Variants in RAD51AP2 observed in about 807,000 individuals in gnomAD.
RAD51AP2 encodes RAD51-associated protein 2.
In RAD51AP2, 67 loss-of-function variants were observed where a neutral mutation model predicts 85.5. That is an observed-to-expected ratio of 0.78 (90% CI 0.64 to 0.96). The LOEUF (loss-of-function observed/expected upper bound fraction) is 0.96, where lower values mean the gene tolerates loss of function less well. RAD51AP2 is among the 40% of genes least tolerant of loss of function. The pLI, the probability that RAD51AP2 is intolerant of heterozygous loss-of-function variation, is 0.00. For missense variants in RAD51AP2, 1,307 were observed against 1,332.4 expected (o/e 0.98, Z 0.30); for synonymous variants, 474 against 446.5 (o/e 1.06, Z -0.78).
At chr2:17,514,488 G>T (rs115722023) in intron 1 of RAD51AP2, among the ~76,000 whole-genome samples, 3,672 of 151,924 alleles carry the variant, frequency 0.024, 45 homozygotes, top group Middle Eastern at 0.054. Context: ...AAGGCCTGGC[G>T]TGGTGGCTCA....
chr2:17,525,333 A>C, the RAD51AP2 span, among the ~76,000 whole-genome samples: 2 of 151,972 alleles, frequency 1.3e-5, no homozygotes, highest in Admixed American at 1.3e-4. Flanking sequence ...AGAAAATGTG[A>C]CCAAGGCCAT....
At position 17,516,056 on chromosome 2, in the gene RAD51AP2, C is replaced by T. The variant is rs1201281178; in HGVS notation, c.2360G>A (p.Cys787Tyr). 1 of 1,613,694 alleles carries T rather than the reference C, an allele frequency of 6.2e-7. No homozygotes were observed. Among genetic ancestry groups the T allele is most frequent in the Non-Finnish European group, 8.5e-7 (1 of 1,179,792 alleles). Reference protein sequence around the residue: ...FDCEHIFEDLCNVRQQAIPAS... With the variant: ...FDCEHIFEDLYNVRQQAIPAS... ...TGGTATGGCCTGTTGCCTAACATTG[C>T]AGAGATCTTCAAATATGTGCTCACA... is the stretch of plus-strand genomic sequence containing the variant. Residue 787 changes from cysteine (C) to tyrosine (Y), a missense_variant, in exon 1 of 3, where the codon TGC becomes TAC. By Grantham distance (194) the Cys-to-Tyr change is radical. Transcript: ENST00000399080.
At chr2:17,523,815 G>A in the RAD51AP2 span, among the ~76,000 whole-genome samples, 4 of 151,872 alleles carry the variant, frequency 2.6e-5, no homozygotes, top group Non-Finnish European at 4.4e-5. Context: ...GAAAACAATG[G>A]ATCAAAAGAA....
rs528871483 is a variant in RAD51AP2, at chr2:17,518,411, G to C, written c.5C>G (p.Ser2Cys). 1.9e-6 allele frequency: 3 copies of C among 1,610,462 alleles called. No individual in the cohort carries two copies. The highest frequency in any genetic ancestry group is 2.5e-6 in the Non-Finnish European group (3 of 1,179,066). The change falls in exon 1 of 3, where the codon TCT becomes TGT. Residue 2 changes from serine to cysteine, a missense_variant. Transcript: ENST00000399080. ...CATCCGCGGCGTGGGCTGAGGGAGA[G>C]ACATGACAGCGAATGGAAAGGATCT... is the stretch of plus-strand genomic sequence containing the variant. M[S>C]LPQPTPRMAE...
At chr2:17,521,864 TTC>T (rs1480217533), upstream of RAD51AP2, among the ~76,000 whole-genome samples, 2 of 152,008 alleles carry the variant, frequency 1.3e-5, no homozygotes, top group Admixed American at 6.6e-5. Context: ...CCTTAACTTT[TTC>T]TCTTTTTTTG....
chr2:17,510,765 A>C lies in RAD51AP2; in HGVS notation c.*39T>G. 7.2e-7 allele frequency: 1 copy of C among 1,390,304 alleles called. No homozygotes were observed. Among genetic ancestry groups the C allele is most frequent in the Non-Finnish European group, 9.7e-7 (1 of 1,027,728 alleles). 86.1% of individuals were successfully genotyped at this position (1,390,304 alleles called of 1,614,324 possible). On this transcript the variant is annotated 3_prime_UTR_variant, in exon 3 of 3. Transcript: ENST00000399080. ...AGAACATATATCCAAAGAAAACAAA[A>C]CATTTCTAGATGTTGTAAAATGTTT...
the RAD51AP2 span, among the ~76,000 whole-genome samples, chr2:17,532,975 A>T: frequency 6.6e-6 from 1 of 152,244 alleles, no homozygotes; most frequent in African/African-American, 2.4e-5. Context: ...TACTAAAATC[A>T]GTAAAACTGT....
At chr2:17,523,970 C>T in the RAD51AP2 span, among the ~76,000 whole-genome samples, 3 of 151,860 alleles carry the variant, frequency 2.0e-5, no homozygotes, top group Non-Finnish European at 4.4e-5. Flanking sequence ...TGCTGAACAT[C>T]TATTATGTGC....
In RAD51AP2 at chr2:17,517,281, C is replaced by T; in HGVS notation, c.1135G>A (p.Glu379Lys). The T allele has an allele frequency of 6.2e-7, 1 of 1,613,998 alleles. No homozygotes were observed. The highest frequency in any genetic ancestry group is 1.1e-5 in the South Asian group (1 of 91,064). The change falls in exon 1 of 3, where the codon GAA becomes AAA. Residue 379 changes from glutamate (E) to lysine (K), a missense_variant. Coordinates refer to ENST00000399080, the MANE Select transcript of RAD51AP2 (RefSeq NM_001099218.3). ...GTAAGTACGTAACTGTCCAGACATT[C>T]TGCTTCCTCCCAATTTGCATTTTCT... ...ILENANWEEA[E>K]CLDSYVLTRL...
chr2:17,516,221 T>G lies in RAD51AP2; in HGVS notation c.2195A>C (p.Lys732Thr). Reference sequence around the variant, plus strand: ...TTGAGGACAAGAATTACCATGTGCTTTAACAGTACTAGAATTATAGTGAGC... The same window carrying G: ...TTGAGGACAAGAATTACCATGTGCTGTAACAGTACTAGAATTATAGTGAGC... The part of the protein sequence containing the change: ...NWAHYNSSTV[K>T]AHGNSCPQFI... Residue 732 changes from lysine (K) to threonine (T), a missense_variant, in exon 1 of 3, where the codon AAA (lysine) becomes ACA (threonine). Lys to Thr is a moderately conservative substitution (Grantham distance 78). This residue lies in a region of RAD51AP2 where 668 missense variants were observed against 671.0 expected (regional missense o/e 1.00). Coordinates refer to ENST00000399080, the MANE Select transcript of RAD51AP2 (RefSeq NM_001099218.3). 1 of 1,613,336 alleles carries G rather than the reference T, an allele frequency of 6.2e-7. No homozygotes were observed. The highest frequency in any genetic ancestry group is 8.5e-7 in the Non-Finnish European group (1 of 1,179,732).
At chr2:17,530,584 CAAAAAAAAAAAAAAAA>C in the RAD51AP2 span, among the ~76,000 whole-genome samples, 1 of 80,244 alleles carries the variant, frequency 1.2e-5, no homozygotes, top group African/African-American at 6.2e-5. Flanking sequence ...GGCCCTGTCT[CAAAAAAAAAAAAAAAA>C]AAAAAAAAAA....
At chr2:17,515,148 G>A in intron 1 of RAD51AP2, 21 bp downstream of exon 1, 3 of 1,518,482 alleles carry the variant, frequency 2.0e-6, no homozygotes, top group Non-Finnish European at 1.8e-6. Context: ...GAGAAATAAT[G>A]TTCTAAAATG....
chr2:17,533,234 T>C, the RAD51AP2 span, among the ~76,000 whole-genome samples: 1 of 152,372 alleles, frequency 6.6e-6, no homozygotes, highest in African/African-American at 2.4e-5. Context: ...AATTTCTTGA[T>C]GTCTGCTGGA....
In RAD51AP2 at chr2:17,516,655, C is replaced by A; in HGVS notation, c.1761G>T (p.Leu587Phe). The change falls in exon 1 of 3, where the codon TTG (leucine) becomes TTT (phenylalanine). Residue 587 changes from leucine (L) to phenylalanine (F), a missense_variant. Transcript: ENST00000399080. Reference protein sequence around the residue: ...DILLKTNIAFLLNNFDSLTRI... With the variant: ...DILLKTNIAFFLNNFDSLTRI... ...TTGTTAAAGAGTCAAAGTTATTGAG[C>A]AAAAAAGCTATGTTAGTTTTCAATA... The A allele has an allele frequency of 1.3e-6, 2 of 1,567,542 alleles. No individual in the cohort carries two copies. Among genetic ancestry groups the A allele is most frequent in the Non-Finnish European group, 8.6e-7 (1 of 1,159,502 alleles).
rs1035435014 is a variant in RAD51AP2, at chr2:17,515,815, C to T, written c.2601G>A (p.Met867Ile). The T allele has an allele frequency of 6.2e-6, 10 of 1,605,404 alleles. No individual in the cohort carries two copies. The highest frequency in any genetic ancestry group is 1.7e-5 in the Admixed American group (1 of 59,176). ...EKEEKDSFFP[M>I]DDMFSVQSVS... Reference sequence around the variant, plus strand: ...CTGACTGTACAGAAAACATGTCATCCATTGGAAAAAAACTATCTTTCTCTT... The same window carrying T: ...CTGACTGTACAGAAAACATGTCATCTATTGGAAAAAAACTATCTTTCTCTT... Residue 867 changes from methionine (M) to isoleucine (I), a missense_variant, in exon 1 of 3, where the codon ATG (methionine) becomes ATA (isoleucine). By Grantham distance (10) the Met-to-Ile change is conservative. This residue lies in a region of RAD51AP2 where 668 missense variants were observed against 671.0 expected (regional missense o/e 1.00). Transcript: ENST00000399080.
chr2:17,529,899 ATAAAC>A, the RAD51AP2 span, among the ~76,000 whole-genome samples: 1 of 152,196 alleles, frequency 6.6e-6, no homozygotes, highest in Admixed American at 6.5e-5. Flanking sequence ...TAGGAACACT[ATAAAC>A]TACAGGTTGG....
In RAD51AP2 at chr2:17,516,493, A is replaced by G. The variant is rs1572296427; in HGVS notation, c.1923T>C (p.Asp641=). ...KILTSSRLLE[D]NMKPMLKKRK... is the part of the protein sequence containing the mutation. Reference sequence around the variant, plus strand: ...TTTTCTTTAACATAGGTTTCATATTATCTTCTAATAGTCTTGAAGAAGTTA... The same window carrying G: ...TTTTCTTTAACATAGGTTTCATATTGTCTTCTAATAGTCTTGAAGAAGTTA... Residue 641 remains aspartate (D), a synonymous_variant, in exon 1 of 3, where the codon GAT becomes GAC. Coordinates refer to ENST00000399080, the MANE Select transcript of RAD51AP2 (RefSeq NM_001099218.3). 1 of 1,538,100 alleles carries G rather than the reference A, an allele frequency of 6.5e-7. No homozygotes were observed. The highest frequency in any genetic ancestry group is 1.7e-4 in the Middle Eastern group (1 of 5,826).
Position 17,510,767 on chromosome 2 carries a change from A to G in RAD51AP2, c.*37T>C. On this transcript the variant is annotated 3_prime_UTR_variant, in exon 3 of 3. Transcript: ENST00000399080. ...AACATATATCCAAAGAAAACAAAAC[A>G]TTTCTAGATGTTGTAAAATGTTTTG... 7.2e-7 allele frequency: 1 copy of G among 1,398,334 alleles called. No individual in the cohort carries two copies. Among genetic ancestry groups the G allele is most frequent in the Non-Finnish European group, 9.7e-7 (1 of 1,033,306 alleles). 86.6% of individuals were successfully genotyped at this position (1,398,334 alleles called of 1,614,324 possible). A position where few individuals can be genotyped will look rare whatever the true frequency, so the allele number is the denominator to read the frequency against.
the RAD51AP2 span, among the ~76,000 whole-genome samples, chr2:17,532,510 C>T: frequency 2.0e-5 from 3 of 151,844 alleles, no homozygotes; most frequent in African/African-American, 7.3e-5. Context: ...ACGAGACCCC[C>T]ACCTCAAAAA....
Sources: allele counts gnomAD v4.1 joint callset (sites outside exome capture counted in the v4.1 genomes callset), GRCh38; gene constraint gnomAD v4.1.1; regional missense constraint gnomAD v4.1.1; transcripts MANE v1.5; gene names NCBI Gene and HGNC (gene_info 2026-07-23, HGNC 2026-07-21).